The following OSBPL9 variants were observed in gnomAD, a reference collection of about 807,000 sequenced individuals.
OSBPL9 encodes oxysterol-binding protein-related protein 9.
OSBPL9 carries 40 observed loss-of-function variants against 106.6 expected under a neutral mutation model. That is an observed-to-expected ratio of 0.38 (90% CI 0.29 to 0.49). The LOEUF is 0.49. OSBPL9 is among the 20% of genes least tolerant of loss of function. The probability of loss-of-function intolerance (pLI) is 0.97; values close to 1 mark genes in which losing one functional copy is unlikely to be tolerated. For synonymous variants in OSBPL9, 269 were observed against 295.4 expected (o/e 0.91, Z 0.92); for missense variants, 609 against 887.2 (o/e 0.69, Z 3.98).
chr1:51,686,993 G>T (rs1210061097), intron 3 of OSBPL9, among the ~76,000 whole-genome samples: 2 of 152,234 alleles, frequency 1.3e-5, no homozygotes, highest in Non-Finnish European at 2.9e-5. Context: ...CTCTATAAGT[G>T]TTGTGAGATT....
At chr1:51,600,108 C>T (rs1645319536) in intron 2 of OSBPL9, among the ~76,000 whole-genome samples, 1 of 152,196 alleles carries the variant, frequency 6.6e-6, no homozygotes, top group Admixed American at 6.5e-5. Flanking sequence ...AAAACCATCA[C>T]CTTGGTGTTT....
intron 4 of OSBPL9, among the ~76,000 whole-genome samples, chr1:51,733,437 C>G (rs894595196): frequency 6.6e-6 from 1 of 152,080 alleles, no homozygotes; most frequent in Non-Finnish European, 1.5e-5. Context: ...TGCTACCAGA[C>G]ATGAGAAACG....
chr1:51,596,508 G>A (rs1203937860), intron 1 of OSBPL9, among the ~76,000 whole-genome samples: 3 of 140,028 alleles, frequency 2.1e-5, no homozygotes, highest in South Asian at 4.6e-4. Context: ...GCAGCGAGCC[G>A]AGAGCACGCC....
Position 51,671,029 on chromosome 1 carries a change from C to T in OSBPL9, c.241+1517C>T, listed in dbSNP as rs145644368. Among the ~76,000 whole-genome samples, 989 of 152,278 alleles carry T rather than the reference C, an allele frequency of 6.5e-3. 13 individuals carry two copies. The highest frequency in any genetic ancestry group is 6.1e-3 in the Non-Finnish European group (412 of 68,026). ...TAAATTATTTATGTCCCCTTTGGCA[C>T]TCTCATACTTATTTGGCTTATAAAA... On this transcript the variant is annotated intron_variant, in intron 3 of 23. Coordinates refer to ENST00000428468, the MANE Select transcript of OSBPL9 (RefSeq NM_024586.6).
the OSBPL9 span, among the ~76,000 whole-genome samples, chr1:51,529,709 T>C: frequency 6.6e-6 from 1 of 151,622 alleles, no homozygotes; most frequent in African/African-American, 2.4e-5. Flanking sequence ...TTTCAACAGA[T>C]GGTACTGTTG....
intron 3 of OSBPL9, chr1:51,709,429 C>T (rs1331936573): frequency 3.5e-5 from 6 of 170,002 alleles, no homozygotes; most frequent in South Asian, 3.1e-4. Flanking sequence ...TCCTGAGGGG[C>T]GGCTGGGGCC....
In OSBPL9 at chr1:51,789,129, A is replaced by G; in HGVS notation, c.*1340A>G. On this transcript the variant is annotated 3_prime_UTR_variant, in exon 24 of 24. Coordinates refer to ENST00000428468, the MANE Select transcript of OSBPL9 (RefSeq NM_024586.6). ...AAATCAAATGCTATGATGCCAGTGCAAAACTTCAATGGAAGCCCTAAGGCA... is the reference window on the plus strand; with the variant it reads ...AAATCAAATGCTATGATGCCAGTGCGAAACTTCAATGGAAGCCCTAAGGCA... The G allele has an allele frequency of 1.9e-6, 2 of 1,077,804 alleles. No homozygotes were observed. Among genetic ancestry groups the G allele is most frequent in the Non-Finnish European group, 1.4e-6 (1 of 710,410 alleles). The allele number at this position is 1,077,804 out of a possible 1,614,324, so 66.8% of individuals were successfully genotyped here. A position where few individuals can be genotyped will look rare whatever the true frequency, so the allele number is the denominator to read the frequency against.
At chr1:51,715,012 C>G (rs1660772980) in intron 4 of OSBPL9, among the ~76,000 whole-genome samples, 1 of 152,126 alleles carries the variant, frequency 6.6e-6, no homozygotes, top group Admixed American at 6.5e-5. Context: ...TGTTTATTCT[C>G]CAGTGAAAGA....
At chr1:51,696,101 A>C (rs961977812) in intron 3 of OSBPL9, among the ~76,000 whole-genome samples, 5 of 152,194 alleles carry the variant, frequency 3.3e-5, no homozygotes, top group Non-Finnish European at 7.3e-5. Context: ...TGACTGGTAC[A>C]TGGTGTATGT....
chr1:51,630,494 A>C (rs961679881), intron 1 of OSBPL9, among the ~76,000 whole-genome samples: 8 of 151,892 alleles, frequency 5.3e-5, no homozygotes, highest in Admixed American at 4.7e-4. Flanking sequence ...AAGCATAGAA[A>C]AGATACAATA....
chr1:51,692,282 T>G (rs1655121121), intron 3 of OSBPL9, among the ~76,000 whole-genome samples: 1 of 152,192 alleles, frequency 6.6e-6, no homozygotes, highest in Admixed American at 6.5e-5. Context: ...CACTGCACTC[T>G]AACCTGGGCA....
At chr1:51,712,219 C>T (rs1291532267) in intron 3 of OSBPL9, among the ~76,000 whole-genome samples, 10 of 152,302 alleles carry the variant, frequency 6.6e-5, no homozygotes, top group African/African-American at 2.4e-4. Context: ...GAGACCGGCC[C>T]GGCCAACACA....
intron 1 of OSBPL9, among the ~76,000 whole-genome samples, chr1:51,645,336 G>A (rs1646083291): frequency 6.6e-6 from 1 of 152,018 alleles, no homozygotes; most frequent in Non-Finnish European, 1.5e-5. Context: ...TTTTTAAATT[G>A]GGTTGTCTTT....
chr1:51,528,354 A>G, the OSBPL9 span, among the ~76,000 whole-genome samples: 1 of 152,126 alleles, frequency 6.6e-6, no homozygotes, highest in Non-Finnish European at 1.5e-5. Context: ...ACAAAAATCA[A>G]TTGTATTTCT....
intron 1 of OSBPL9, among the ~76,000 whole-genome samples, chr1:51,643,337 G>T (rs959964848): frequency 6.6e-6 from 1 of 152,196 alleles, no homozygotes; most frequent in Non-Finnish European, 1.5e-5. Context: ...TGTTAGAAGT[G>T]AAGGGTTGGC....
chr1:51,724,536 G>A (rs1348780125), intron 4 of OSBPL9, among the ~76,000 whole-genome samples: 3 of 151,948 alleles, frequency 2.0e-5, no homozygotes, highest in East Asian at 1.9e-4. Context: ...CGCACATCTC[G>A]GCCTCCCAAA....
At chr1:51,713,268 G>A (rs1420421021) in intron 3 of OSBPL9, among the ~76,000 whole-genome samples, 2 of 152,092 alleles carry the variant, frequency 1.3e-5, no homozygotes, top group Admixed American at 6.5e-5. Context: ...TCCTGCCTCA[G>A]CCTCCTGAGT....
intron 1 of OSBPL9, among the ~76,000 whole-genome samples, chr1:51,617,469 C>T (rs553837392): frequency 6.6e-6 from 1 of 152,228 alleles, no homozygotes; most frequent in Non-Finnish European, 1.5e-5. Flanking sequence ...AAGTTTCTTT[C>T]TTAGGGTCCG....
chr1:51,761,772 C>T, intron 10 of OSBPL9, 95 bp from the exon 11 acceptor site: 3 of 935,198 alleles, frequency 3.2e-6, no homozygotes, highest in South Asian at 1.4e-5. Context: ...TCAAAAATTA[C>T]TGGCCTTTAG....
Sources: allele counts gnomAD v4.1 joint callset (sites outside exome capture counted in the v4.1 genomes callset), GRCh38; gene constraint gnomAD v4.1.1; transcripts MANE v1.5; gene names NCBI Gene and HGNC (gene_info 2026-07-23, HGNC 2026-07-21).